CDK17: variants seen among roughly 807,000 people sequenced by gnomAD.
The protein encoded by CDK17 is cyclin-dependent kinase 17.
In CDK17, 24 loss-of-function variants were observed where a neutral mutation model predicts 77.6. That is an observed-to-expected ratio of 0.31 (90% confidence interval 0.22 to 0.44). CDK17 has a LOEUF of 0.44. Among genes scored for constraint, CDK17 ranks in the 20% least tolerant of loss-of-function variants. The pLI is 1.00. For synonymous variants in CDK17, 203 were observed against 210.4 expected, an observed-to-expected ratio of 0.96 and a Z score of 0.30; for missense variants, 429 against 622.5, an observed-to-expected ratio of 0.69 and a Z score of 3.31.
intron 15 of CDK17, 82 bp downstream of exon 15, chr12:96,282,427 T>C: frequency 6.0e-6 from 5 of 836,250 alleles, no homozygotes; most frequent in Admixed American, 2.1e-5. Context: ...TAAAAATCAA[T>C]AGCCATCTCC....
chr12:96,341,307 TATC>T (rs1302511089), intron 1 of CDK17, among the ~76,000 whole-genome samples: 5 of 112,396 alleles, frequency 4.4e-5, no homozygotes, highest in South Asian at 3.2e-4. Flanking sequence ...TCATAGCACT[TATC>T]ATATACATAC....
chr12:96,368,517 C>T (rs1953627099), intron 1 of CDK17, among the ~76,000 whole-genome samples: 1 of 152,132 alleles, frequency 6.6e-6, no homozygotes, highest in Non-Finnish European at 1.5e-5. Flanking sequence ...AGCTCTGGAG[C>T]CCTCTCTGGG....
chr12:96,283,088 G>T (rs1437868311), intron 14 of CDK17, among the ~76,000 whole-genome samples: 1 of 151,912 alleles, frequency 6.6e-6, no homozygotes, highest in Non-Finnish European at 1.5e-5. Context: ...GGCTAATTAT[G>T]ACAATTCTGC....
rs374220317 is a variant in CDK17, at chr12:96,393,252, T to C, written c.-30+6734A>G. Among the ~76,000 whole-genome samples the C allele has an allele frequency of 2.8e-4, 41 of 146,296 alleles. 1 individual carries two copies. The South Asian group carries it at 8.4e-3, about 30-fold the overall frequency. The stretch of plus-strand genomic sequence containing the variant: ...AGTGGCAGACACCTGTAATTCCACC[T>C]ACTCGAGAGGCTGAGGCAGGGAGAA... On this transcript the variant is annotated intron_variant, in intron 1 of 16. Transcript: ENST00000261211.
intron 15 of CDK17, 160 bp downstream of exon 15, chr12:96,282,349 G>C (rs747341460): frequency 1.8e-5 from 10 of 569,104 alleles, no homozygotes; most frequent in Non-Finnish European, 2.8e-5. Context: ...GAATCATAGG[G>C]AAATAAGACA....
At chr12:96,320,121 C>G (rs1952795109) in intron 3 of CDK17, among the ~76,000 whole-genome samples, 1 of 152,166 alleles carries the variant, frequency 6.6e-6, no homozygotes, top group South Asian at 2.1e-4. Context: ...AATCAATGTA[C>G]AAAAATCTTA....
chr12:96,390,276 G>A (rs1037155909), intron 1 of CDK17, among the ~76,000 whole-genome samples: 6 of 150,162 alleles, frequency 4.0e-5, no homozygotes, highest in African/African-American at 1.2e-4. Flanking sequence ...CTTCAGGCAC[G>A]TGCCAACACG....
intron 9 of CDK17, among the ~76,000 whole-genome samples, chr12:96,296,631 A>G (rs1267418040): frequency 1.3e-5 from 2 of 152,328 alleles, no homozygotes; most frequent in Non-Finnish European, 2.9e-5. Flanking sequence ...ATTTGGATAC[A>G]CTACTCAGGT....
At chr12:96,302,715 C>T (rs1206237410) in intron 5 of CDK17, among the ~76,000 whole-genome samples, 1 of 152,072 alleles carries the variant, frequency 6.6e-6, no homozygotes, top group Non-Finnish European at 1.5e-5. Context: ...CTACTATGTT[C>T]TTAAAACATC....
chr12:96,350,700 C>T (rs1384254757), intron 1 of CDK17, among the ~76,000 whole-genome samples: 2 of 152,088 alleles, frequency 1.3e-5, no homozygotes, highest in African/African-American at 2.4e-5. Flanking sequence ...CATTACCTTA[C>T]ACCATATACA....
chr12:96,286,895 G>C lies in CDK17; in HGVS notation c.1119-134C>G, dbSNP rs949517516. The stretch of plus-strand genomic sequence containing the variant: ...GAAAACCTCTTGAAGGGATATTTTA[G>C]ATCTAACTAATTTGTTCGCATTTAC... On this transcript the variant is annotated intron_variant, in intron 11 of 16. Transcript: ENST00000261211. The C allele has an allele frequency of 4.9e-6, 3 of 614,148 alleles. No homozygotes were observed. In the Admixed American group the frequency reaches 8.5e-5, roughly 17 times the overall value. 38.0% of individuals were successfully genotyped at this position (614,148 alleles called of 1,614,324 possible).
At chr12:96,297,837 G>C in intron 7 of CDK17, 116 bp from the exon 8 acceptor site, 1 of 583,172 alleles carries the variant, frequency 1.7e-6, no homozygotes, top group East Asian at 2.9e-5. Flanking sequence ...TTGGGCGGTG[G>C]CTCACCCCTA....
At chr12:96,283,542 T>C in intron 14 of CDK17, 61 bp downstream of exon 14, 1 of 976,944 alleles carries the variant, frequency 1.0e-6, no homozygotes, top group Non-Finnish European at 1.6e-6. Context: ...GAGCCCATTC[T>C]ACACATGAAG....
intron 1 of CDK17, among the ~76,000 whole-genome samples, chr12:96,383,627 C>CTGTCTGAT (rs1953923075): frequency 6.6e-6 from 1 of 152,134 alleles, no homozygotes; most frequent in Admixed American, 6.5e-5. Context: ...ACAACCACAA[C>CTGTCTGAT]CGTCTGATCG....
intron 3 of CDK17, among the ~76,000 whole-genome samples, chr12:96,317,978 T>G (rs369639766): frequency 0.22 from 32,718 of 151,130 alleles, 4,426 homozygotes; most frequent in Middle Eastern, 0.33. Context: ...TGGACTAAAT[T>G]CTCCAATTAA....
At chr12:96,303,896 G>C (rs1952540817) in intron 5 of CDK17, among the ~76,000 whole-genome samples, 1 of 152,168 alleles carries the variant, frequency 6.6e-6, no homozygotes, top group East Asian at 1.9e-4. Flanking sequence ...AAGAACACCA[G>C]TGGATGCCTG....
At chr12:96,327,818 G>T in intron 2 of CDK17, among the ~76,000 whole-genome samples, 1 of 152,036 alleles carries the variant, frequency 6.6e-6, no homozygotes, top group East Asian at 1.9e-4. Context: ...CCAAAGCACT[G>T]GGATTACAAT....
chr12:96,326,958 C>T (rs1952899149), intron 2 of CDK17, among the ~76,000 whole-genome samples: 2 of 152,116 alleles, frequency 1.3e-5, no homozygotes, highest in African/African-American at 2.4e-5. Context: ...TGATCTGATT[C>T]ATGTTTCAAA....
chr12:96,371,173 ATT>A (rs1953686728), intron 1 of CDK17, among the ~76,000 whole-genome samples: 1 of 150,272 alleles, frequency 6.7e-6, no homozygotes, highest in Non-Finnish European at 1.5e-5. Flanking sequence ...AAGCCAGATT[ATT>A]TCTCATTGTG....
Sources: gnomAD v4.1 joint callset for allele counts (sites outside exome capture counted in the v4.1 genomes callset) on GRCh38, gnomAD v4.1.1 for gene constraint, MANE v1.5 for transcripts, NCBI Gene and HGNC (gene_info 2026-07-23, HGNC 2026-07-21) for gene names.